SPMIP4: variants seen among roughly 807,000 people sequenced by gnomAD.
The protein encoded by SPMIP4 is sperm-associated microtubule inner protein 4.
the SPMIP4 span, among the ~76,000 whole-genome samples, chr7:25,131,396 C>T: frequency 6.6e-6 from 1 of 152,298 alleles, no homozygotes; most frequent in South Asian, 2.1e-4. This position sits in a 1 kb window ranked among gnomAD's most constrained non-coding sequence, Gnocchi z 4.2. Context: ...TCATCCTCCC[C>T]CATGCCCCGG....
the SPMIP4 span, among the ~76,000 whole-genome samples, chr7:25,174,686 C>A: frequency 6.6e-6 from 1 of 152,050 alleles, no homozygotes; most frequent in South Asian, 2.1e-4. The surrounding 1 kb of genome is among the most constrained non-coding windows in gnomAD (Gnocchi z 4.5). Flanking sequence ...TAATGAAATC[C>A]TAAGCAATTC....
the SPMIP4 span, chr7:25,158,664 C>T: frequency 2.0e-5 from 13 of 654,286 alleles, no homozygotes; most frequent in Non-Finnish European, 3.5e-5. Flanking sequence ...CTTTGGGAGG[C>T]CAAGGTGGGC....
chr7:25,177,711 G>A, the SPMIP4 span, among the ~76,000 whole-genome samples: 1 of 152,166 alleles, frequency 6.6e-6, no homozygotes, highest in Admixed American at 6.5e-5. Flanking sequence ...GGGTTGTCAT[G>A]AGGATTAAAA....
the SPMIP4 span, among the ~76,000 whole-genome samples, chr7:25,174,224 C>G: frequency 6.6e-6 from 1 of 151,820 alleles, no homozygotes; most frequent in Non-Finnish European, 1.5e-5. The surrounding 1 kb of genome is among the most constrained non-coding windows in gnomAD (Gnocchi z 4.5). Context: ...CTCTCTCCCT[C>G]TTTTCCTCCC....
At chr7:25,135,058 T>G in the SPMIP4 span, 6 of 548,942 alleles carry the variant, frequency 1.1e-5, no homozygotes, top group East Asian at 7.3e-4. Context: ...CTTAAAGAAA[T>G]TCCTCTTGAA....
At chr7:25,129,600 T>A in the SPMIP4 span, among the ~76,000 whole-genome samples, 45 of 152,302 alleles carry the variant, frequency 3.0e-4, no homozygotes, top group Admixed American at 2.4e-3. Context: ...GTACTGTGAT[T>A]GCTCACATGA....
the SPMIP4 span, chr7:25,142,852 A>C: frequency 1.0e-4 from 142 of 1,401,656 alleles, no homozygotes; most frequent in Non-Finnish European, 1.2e-4. Flanking sequence ...TGTTAATGTC[A>C]TCTAGTAGAA....
the SPMIP4 span, chr7:25,136,766 G>T: frequency 6.2e-7 from 1 of 1,611,438 alleles, no homozygotes; most frequent in East Asian, 2.2e-5. The surrounding 1 kb of genome is among the most constrained non-coding windows in gnomAD (Gnocchi z 5.7). Context: ...GGTCTGGGAG[G>T]TTTGAAGACA....
At chr7:25,147,038 G>A in the SPMIP4 span, among the ~76,000 whole-genome samples, 1 of 152,332 alleles carries the variant, frequency 6.6e-6, no homozygotes, top group South Asian at 2.1e-4. Context: ...GCTCACACCT[G>A]TAATCCCAGC....
At chr7:25,131,099 T>G in the SPMIP4 span, among the ~76,000 whole-genome samples, 1 of 152,224 alleles carries the variant, frequency 6.6e-6, no homozygotes, top group Admixed American at 6.5e-5. The surrounding 1 kb of genome is among the most constrained non-coding windows in gnomAD (Gnocchi z 4.2). Context: ...CCATCTCCTG[T>G]CAGATCAATG....
chr7:25,137,301 CTTTTT>C, the SPMIP4 span, among the ~76,000 whole-genome samples: 1 of 127,078 alleles, frequency 7.9e-6, no homozygotes, highest in Admixed American at 7.6e-5. Flanking sequence ...GCTGAATTTT[CTTTTT>C]TTTTTTTTTT....
the SPMIP4 span, among the ~76,000 whole-genome samples, chr7:25,130,639 C>G: frequency 7.9e-5 from 12 of 152,168 alleles, no homozygotes; most frequent in Non-Finnish European, 1.5e-4. Context: ...ACACCTACTT[C>G]TTAGCAATTC....
At chr7:25,161,037 T>G in the SPMIP4 span, 1 of 505,140 alleles carries the variant, frequency 2.0e-6, no homozygotes, top group South Asian at 3.5e-5. Flanking sequence ...TTTGTTTGTT[T>G]GGTCTTGGTT....
the SPMIP4 span, chr7:25,136,349 T>C: frequency 1.2e-6 from 2 of 1,614,200 alleles, no homozygotes; most frequent in South Asian, 1.1e-5. This position sits in a 1 kb window ranked among gnomAD's most constrained non-coding sequence, Gnocchi z 5.7. Context: ...GATTTAAGAT[T>C]TTCATAGTGA....
the SPMIP4 span, among the ~76,000 whole-genome samples, chr7:25,165,364 T>G: frequency 6.6e-6 from 1 of 152,204 alleles, no homozygotes; most frequent in African/African-American, 2.4e-5. Flanking sequence ...GAGTGGGCAC[T>G]TGGAATTGGA....
chr7:25,166,946 C>A, the SPMIP4 span, among the ~76,000 whole-genome samples: 3 of 152,084 alleles, frequency 2.0e-5, no homozygotes, highest in Non-Finnish European at 4.4e-5. Context: ...CTAAGTGGAA[C>A]AAGTATTTTC....
chr7:25,174,179 T>C, the SPMIP4 span, among the ~76,000 whole-genome samples: 1 of 152,080 alleles, frequency 6.6e-6, no homozygotes, highest in African/African-American at 2.4e-5. This position sits in a 1 kb window ranked among gnomAD's most constrained non-coding sequence, Gnocchi z 4.5. Context: ...ATTTTAAACC[T>C]TTCTCTTTCC....
chr7:25,133,097 G>A, the SPMIP4 span, among the ~76,000 whole-genome samples: 1 of 152,194 alleles, frequency 6.6e-6, no homozygotes, highest in African/African-American at 2.4e-5. Context: ...CCACTTCTGT[G>A]AGCAGTATAT....
chr7:25,153,788 C>T, the SPMIP4 span, among the ~76,000 whole-genome samples: 1 of 152,206 alleles, frequency 6.6e-6, no homozygotes, highest in Non-Finnish European at 1.5e-5. Context: ...CACCATCTCT[C>T]CCCACTTCTG....
Sources: gnomAD v4.1 joint callset for allele counts (sites outside exome capture counted in the v4.1 genomes callset) on GRCh38, gnomAD v4.1.1 for gene constraint, Gnocchi (gnomAD v3.1) non-coding constraint, MANE v1.5 for transcripts, NCBI Gene and HGNC (gene_info 2026-07-23, HGNC 2026-07-21) for gene names.